Variants in THEMIS observed in about 807,000 individuals in gnomAD.
THEMIS encodes the protein protein THEMIS.
A neutral mutation model predicts 52.6 loss-of-function variants in THEMIS; 37 were observed. That is an observed-to-expected ratio of 0.70 (90% CI 0.54 to 0.93). THEMIS has a LOEUF of 0.93. THEMIS is among the 40% of genes least tolerant of loss of function. The probability of loss-of-function intolerance (pLI) is 0.00; values close to 1 mark genes in which losing one functional copy is unlikely to be tolerated. For missense variants in THEMIS, 808 were observed against 763.1 expected (o/e 1.06, Z -0.69); for synonymous variants, 292 against 272.7 (o/e 1.07, Z -0.70).
intron 4 of THEMIS, among the ~76,000 whole-genome samples, chr6:127,739,486 A>G (rs540942853): frequency 7.2e-5 from 11 of 152,164 alleles, no homozygotes; most frequent in African/African-American, 2.6e-4. Flanking sequence ...CTAAAAATAC[A>G]AAAAATTAGC....
chr6:127,806,893 A>G (rs1028110398), intron 4 of THEMIS, among the ~76,000 whole-genome samples: 6 of 152,170 alleles, frequency 3.9e-5, no homozygotes, highest in Non-Finnish European at 7.4e-5. Context: ...CTAACTTTCA[A>G]CCCAGCACTT....
intron 3 of THEMIS, among the ~76,000 whole-genome samples, chr6:127,826,208 T>G (rs1381486182): frequency 6.6e-6 from 1 of 152,128 alleles, no homozygotes; most frequent in East Asian, 1.9e-4. Flanking sequence ...ATGAGGAAAA[T>G]TTGGCCCTCG....
In THEMIS at chr6:127,824,467, C is replaced by G. The variant is rs929998527; in HGVS notation, c.709+5009G>C. On this transcript the variant is annotated intron_variant, in intron 3 of 5. Coordinates refer to ENST00000368248, the MANE Select transcript of THEMIS (RefSeq NM_001010923.3). ...GGATAATATCTAAAATTCATAAACA[C>G]AGAGCTTATATAGAAACAGTGCCTT... Among the ~76,000 whole-genome samples, 3 of 152,022 alleles carry G rather than the reference C, an allele frequency of 2.0e-5. No homozygotes were observed. The South Asian group carries it at 6.2e-4, about 31-fold the overall frequency.
Position 127,829,846 on chromosome 6 carries a change from C to T in THEMIS, c.339G>A (p.Gly113=). ...RTIHIGPSRL[G]HPCFYHQKDI... ...CCTTCTGATGATAGAAGCAAGGATG[C>T]CCTAGTCTACTTGGTCCAATATGAA... The change falls in exon 3 of 6, where the codon GGG becomes GGA. Residue 113 remains glycine, a synonymous_variant. Transcript: ENST00000368248. 6.2e-7 allele frequency: 1 copy of T among 1,614,000 alleles called. No homozygotes were observed. Among genetic ancestry groups the T allele is most frequent in the Non-Finnish European group, 8.5e-7 (1 of 1,179,970 alleles).
chr6:127,845,827 A>T (rs937569524), intron 2 of THEMIS, among the ~76,000 whole-genome samples: 3 of 137,242 alleles, frequency 2.2e-5, no homozygotes, highest in Admixed American at 7.1e-5. Context: ...AGATTTCCAT[A>T]AAAAAAATTG....
At chr6:127,878,446 T>C (rs554644589) in intron 1 of THEMIS, among the ~76,000 whole-genome samples, 4 of 138,208 alleles carry the variant, frequency 2.9e-5, no homozygotes, top group Admixed American at 2.8e-4. Context: ...ATTATATCTA[T>C]TTGCAAAAAA....
chr6:127,880,487 A>G (rs1780447976), intron 1 of THEMIS, among the ~76,000 whole-genome samples: 1 of 150,822 alleles, frequency 6.6e-6, no homozygotes, highest in South Asian at 2.1e-4. Flanking sequence ...CTGAACTCAC[A>G]TGATTTGATT....
chr6:127,909,795 G>A lies in THEMIS; in HGVS notation c.-150+8633C>T, dbSNP rs1233982488. 2.0e-5 allele frequency: 3 copies of A among 152,126 alleles called. No individual in the cohort carries two copies. The East Asian group carries it at 5.8e-4, about 29-fold the overall frequency. 9.4% of individuals were successfully genotyped at this position (152,126 alleles called of 1,614,324 possible). ...ATGGTGATGGGTGCAGGTTGGTCAGGATTCTTATTTCCACAGTGTTTTAAA... is the reference window on the plus strand; with the variant it reads ...ATGGTGATGGGTGCAGGTTGGTCAGAATTCTTATTTCCACAGTGTTTTAAA... On this transcript the variant is annotated intron_variant, in intron 1 of 6. Transcript: ENST00000368250.
chr6:127,904,150 T>C (rs1383795307), upstream of THEMIS, among the ~76,000 whole-genome samples: 1 of 152,062 alleles, frequency 6.6e-6, no homozygotes, highest in African/African-American at 2.4e-5. Context: ...CAAAATAAAT[T>C]GGACTTTGGG....
At chr6:127,781,687 A>G (rs918951208) in intron 4 of THEMIS, among the ~76,000 whole-genome samples, 5 of 151,844 alleles carry the variant, frequency 3.3e-5, no homozygotes, top group Admixed American at 6.6e-5. Flanking sequence ...CTGGAGGTCC[A>G]CTCCAGACCC....
chr6:127,881,992 T>C (rs960728529), intron 1 of THEMIS, among the ~76,000 whole-genome samples: 8 of 101,548 alleles, frequency 7.9e-5, no homozygotes, highest in African/African-American at 2.6e-4. Flanking sequence ...TGTCATCTTA[T>C]ACAGCAAAAA....
At chr6:127,888,021 G>A (rs1368680672) in intron 1 of THEMIS, among the ~76,000 whole-genome samples, 1 of 152,116 alleles carries the variant, frequency 6.6e-6, no homozygotes, top group Non-Finnish European at 1.5e-5. Context: ...CAAGAATAAA[G>A]AGGCAGCTGG....
intron 4 of THEMIS, among the ~76,000 whole-genome samples, chr6:127,792,775 C>G (rs2114529191): frequency 6.6e-6 from 1 of 152,296 alleles, no homozygotes; most frequent in East Asian, 1.9e-4. Context: ...CTTTAAAGAA[C>G]AGCTTCAATC....
intron 4 of THEMIS, among the ~76,000 whole-genome samples, chr6:127,730,899 G>A (rs943800866): frequency 5.9e-5 from 9 of 152,112 alleles, no homozygotes; most frequent in African/African-American, 1.2e-4. Context: ...TCACCATTTC[G>A]TAAAATAAAA....
intron 4 of THEMIS, among the ~76,000 whole-genome samples, chr6:127,729,930 A>G (rs186836450): frequency 2.6e-5 from 4 of 152,342 alleles, no homozygotes; most frequent in Admixed American, 2.6e-4. Context: ...AGATTTGTTA[A>G]AAATGGCTAA....
At chr6:127,836,663 A>T (rs79771591) in intron 2 of THEMIS, among the ~76,000 whole-genome samples, 2,855 of 152,288 alleles carry the variant, frequency 0.019, 96 homozygotes, top group African/African-American at 0.066. Context: ...AGTATATAAA[A>T]AGGAGCATTT....
At chr6:127,734,867 T>TAAA (rs1774935665) in intron 4 of THEMIS, among the ~76,000 whole-genome samples, 1 of 28,566 alleles carries the variant, frequency 3.5e-5, no homozygotes, top group African/African-American at 1.5e-4. Flanking sequence ...AGGCTCTGTC[T>TAAA]CAAAAAAAAA....
intron 1 of THEMIS, among the ~76,000 whole-genome samples, chr6:127,909,286 T>A (rs1173790213): frequency 6.6e-6 from 1 of 152,046 alleles, no homozygotes; most frequent in Non-Finnish European, 1.5e-5. Context: ...TGATTCTGTG[T>A]CCCCACCTAA....
chr6:127,787,417 C>T (rs957139480), intron 4 of THEMIS, among the ~76,000 whole-genome samples: 12 of 152,140 alleles, frequency 7.9e-5, no homozygotes, highest in Non-Finnish European at 1.0e-4. Flanking sequence ...CTAGTCTGCT[C>T]CTAGCTGACA....
Sources: allele counts gnomAD v4.1 joint callset (sites outside exome capture counted in the v4.1 genomes callset), GRCh38; gene constraint gnomAD v4.1.1; transcripts MANE v1.5; gene names NCBI Gene and HGNC (gene_info 2026-07-23, HGNC 2026-07-21).